The following PHACTR1 variants were observed in gnomAD, a reference collection of about 807,000 sequenced individuals.
PHACTR1 encodes RPEL repeat containing 1.
In PHACTR1, 16 loss-of-function variants were observed where a neutral mutation model predicts 69.2. That is an observed-to-expected ratio of 0.23 (90% CI 0.16 to 0.35). The LOEUF (loss-of-function observed/expected upper bound fraction) is 0.35, where lower values mean the gene tolerates loss of function less well. Among genes scored for constraint, PHACTR1 ranks in the 10% least tolerant of loss-of-function variants. The probability of loss-of-function intolerance (pLI) is 1.00; values close to 1 mark genes in which losing one functional copy is unlikely to be tolerated. For synonymous variants in PHACTR1, 312 were observed against 284.5 expected (o/e 1.10, Z -0.97); for missense variants, 510 against 734.7 (o/e 0.69, Z 3.54).
At chr6:13,083,356 T>G (rs1227283748) in intron 5 of PHACTR1, among the ~76,000 whole-genome samples, 3 of 152,234 alleles carry the variant, frequency 2.0e-5, no homozygotes, top group Non-Finnish European at 4.4e-5. Context: ...AGCCTTGTAG[T>G]ATAGCTTGAA....
chr6:12,888,878 G>T (rs1783893876), intron 4 of PHACTR1, among the ~76,000 whole-genome samples: 1 of 152,194 alleles, frequency 6.6e-6, no homozygotes, highest in South Asian at 2.1e-4. Flanking sequence ...AAAAGTGATG[G>T]AAATGTGCAA....
In PHACTR1 at chr6:12,953,557, C is replaced by T. The variant is rs543766828; in HGVS notation, c.251-99808C>T. Among the ~76,000 whole-genome samples the T allele has an allele frequency of 8.5e-5, 13 of 152,320 alleles. No individual in the cohort carries two copies. In the South Asian group the frequency reaches 2.5e-3, roughly 29 times the overall value. On this transcript the variant is annotated intron_variant, in intron 4 of 14. Transcript: ENST00000332995. ...ACAACTACACATCAACTTGTCTAAA[C>T]AGGTGTTTATAAGAATGACCTAAAA...
At chr6:13,250,168 G>A (rs1161745960) in intron 10 of PHACTR1, among the ~76,000 whole-genome samples, 2 of 152,084 alleles carry the variant, frequency 1.3e-5, no homozygotes, top group Admixed American at 1.3e-4. Context: ...GCCCTTTGAA[G>A]AAAAAAGAAA....
chr6:13,142,995 GA>G (rs1822736351), intron 5 of PHACTR1, among the ~76,000 whole-genome samples: 1 of 152,236 alleles, frequency 6.6e-6, no homozygotes, highest in South Asian at 2.1e-4. Context: ...ACTGACTCTA[GA>G]TAATATAAAA....
rs114543101 is a variant in PHACTR1, at chr6:13,248,727, G to A, written c.1391+18534G>A. ...TGGGAGAAGCATGCCTTTAGCTGCC[G>A]TAAGTGGAGGAACTCACAGCTGCAG... On this transcript the variant is annotated intron_variant, in intron 10 of 14. Coordinates refer to ENST00000332995, the MANE Select transcript of PHACTR1 (RefSeq NM_030948.6). Among the ~76,000 whole-genome samples the A allele has an allele frequency of 5.4e-3, 818 of 152,230 alleles. 13 individuals carry two copies. Among genetic ancestry groups the A allele is most frequent in the African/African-American group, 0.019 (782 of 41,548 alleles).
intron 10 of PHACTR1, among the ~76,000 whole-genome samples, chr6:13,269,359 C>CGGT (rs1777291961): frequency 6.6e-6 from 1 of 152,206 alleles, no homozygotes; most frequent in South Asian, 2.1e-4. Context: ...ACCTCTGACA[C>CGGT]CGGCTCACTC....
At chr6:13,146,873 C>T (rs1031573341) in intron 5 of PHACTR1, among the ~76,000 whole-genome samples, 35 of 152,126 alleles carry the variant, frequency 2.3e-4, no homozygotes, top group Non-Finnish European at 1.3e-4. Flanking sequence ...CAGCAGAGAA[C>T]AGGGTGGAAA....
intron 4 of PHACTR1, among the ~76,000 whole-genome samples, chr6:12,792,412 G>A (rs531454798): frequency 2.1e-4 from 27 of 128,424 alleles, no homozygotes; most frequent in Admixed American, 5.9e-4. Flanking sequence ...TGCAGTGAGC[G>A]GAGATTGCGC....
intron 4 of PHACTR1, among the ~76,000 whole-genome samples, chr6:12,895,593 A>G (rs1784586335): frequency 6.6e-6 from 1 of 152,204 alleles, no homozygotes; most frequent in South Asian, 2.1e-4. Flanking sequence ...CAACCTTGTG[A>G]TTATGAGACC....
intron 4 of PHACTR1, among the ~76,000 whole-genome samples, chr6:12,916,263 A>G (rs547956425): frequency 3.3e-4 from 50 of 152,310 alleles, no homozygotes; most frequent in African/African-American, 1.1e-3. Context: ...AGTTCCCATC[A>G]GACTGAATTT....
intron 4 of PHACTR1, among the ~76,000 whole-genome samples, chr6:12,926,703 C>T (rs1361913529): frequency 6.6e-6 from 1 of 152,226 alleles, no homozygotes; most frequent in Non-Finnish European, 1.5e-5. Context: ...GACCCTCATT[C>T]CTCCCAACAG....
intron 6 of PHACTR1, among the ~76,000 whole-genome samples, chr6:13,164,476 C>G (rs559594393): frequency 1.4e-3 from 219 of 152,294 alleles, no homozygotes; most frequent in Non-Finnish European, 2.4e-3. Context: ...ACCCTGACAG[C>G]TGCCGCATTG....
chr6:13,020,607 A>G (rs1360272298), intron 4 of PHACTR1, among the ~76,000 whole-genome samples: 2 of 152,182 alleles, frequency 1.3e-5, no homozygotes, highest in Non-Finnish European at 2.9e-5. Flanking sequence ...TGAAGGAAAG[A>G]GTCACTGGAA....
chr6:13,056,074 T>C (rs1416376477), intron 5 of PHACTR1, among the ~76,000 whole-genome samples: 13 of 152,192 alleles, frequency 8.5e-5, no homozygotes, highest in Non-Finnish European at 1.9e-4. Flanking sequence ...TATATCATGA[T>C]AGATGGATGG....
rs1459575890 is a variant in PHACTR1 at position 12,886,341 on chromosome 6, G to GT, written c.250+136553dup. On this transcript the variant is annotated intron_variant, in intron 4 of 14. Transcript: ENST00000332995. ...TGAAAATGAAGGAAAACTTTTAAAA[G>GT]TTAAAAGGTCACTCTCAATGAGAGC... is the stretch of plus-strand genomic sequence containing the variant. 6.6e-5 allele frequency among the ~76,000 whole-genome samples: 10 copies of GT among 151,786 alleles called. No homozygotes were observed. In the East Asian group the frequency reaches 1.9e-3, roughly 29 times the overall value.
intron 4 of PHACTR1, among the ~76,000 whole-genome samples, chr6:12,767,540 C>T (rs1225112696): frequency 6.6e-6 from 1 of 152,178 alleles, no homozygotes; most frequent in Non-Finnish European, 1.5e-5. Context: ...ACCTGACTTG[C>T]TGCAAGGAGA....
chr6:13,121,126 C>CT (rs1216198443), intron 5 of PHACTR1, among the ~76,000 whole-genome samples: 1 of 152,168 alleles, frequency 6.6e-6, no homozygotes, highest in Non-Finnish European at 1.5e-5. Flanking sequence ...GCAGAAGGAA[C>CT]TTTCACTAGC....
chr6:13,173,339 C>A (rs1328492069), intron 6 of PHACTR1, among the ~76,000 whole-genome samples: 1 of 152,180 alleles, frequency 6.6e-6, no homozygotes, highest in Non-Finnish European at 1.5e-5. Flanking sequence ...GATAGTCACA[C>A]TCATTAGTAA....
At chr6:13,136,807 A>G (rs894937115) in intron 5 of PHACTR1, among the ~76,000 whole-genome samples, 6 of 152,200 alleles carry the variant, frequency 3.9e-5, no homozygotes, top group Admixed American at 2.0e-4. Flanking sequence ...TGGCAGCTCA[A>G]TGGAACAGTC....
Sources: gnomAD v4.1 joint callset for allele counts (sites outside exome capture counted in the v4.1 genomes callset) on GRCh38, gnomAD v4.1.1 for gene constraint, MANE v1.5 for transcripts, NCBI Gene and HGNC (gene_info 2026-07-23, HGNC 2026-07-21) for gene names.